Variants in DEPDC1B observed in about 807,000 individuals in gnomAD.
DEPDC1B encodes the protein DEP domain-containing protein 1B.
A neutral mutation model predicts 66.5 loss-of-function variants in DEPDC1B; 51 were observed. The observed-to-expected ratio is 0.77, with a 90% CI of 0.61 to 0.97. The LOEUF (loss-of-function observed/expected upper bound fraction) is 0.97, where lower values mean the gene tolerates loss of function less well. Among genes scored for constraint, DEPDC1B ranks in the 50% least tolerant of loss-of-function variants. The pLI is 0.00. For missense variants in DEPDC1B, 552 were observed against 637.1 expected (o/e 0.87, Z 1.44); for synonymous variants, 226 against 223.6 (o/e 1.01, Z -0.10).
chr5:60,658,485 G>T (rs1167183327), intron 2 of DEPDC1B, among the ~76,000 whole-genome samples: 2 of 152,160 alleles, frequency 1.3e-5, no homozygotes, highest in Non-Finnish European at 2.9e-5. Flanking sequence ...GTCCCATGGG[G>T]TGATCCCTTT....
intron 7 of DEPDC1B, among the ~76,000 whole-genome samples, chr5:60,638,461 CTGCCAATAAAGTTATAGTCT>C: frequency 6.6e-6 from 1 of 152,294 alleles, no homozygotes; most frequent in South Asian, 2.1e-4. Context: ...ACATTCTCCT[CTGCCAATAAAGTTATAGTCT>C]TTTGAATAAA....
chr5:60,670,122 C>T (rs923790178), intron 2 of DEPDC1B, among the ~76,000 whole-genome samples: 4 of 152,156 alleles, frequency 2.6e-5, no homozygotes, highest in Admixed American at 1.3e-4. Flanking sequence ...CAGTGGCTCA[C>T]GCCTGTAATC....
At position 60,664,885 on chromosome 5, in the gene DEPDC1B, T is replaced by C. The variant is rs549671259; in HGVS notation, c.315-17352A>G. Among the ~76,000 whole-genome samples, 20 of 152,242 alleles carry C rather than the reference T, an allele frequency of 1.3e-4. No individual in the cohort carries two copies. In the South Asian group the frequency reaches 4.2e-3, roughly 32 times the overall value. On this transcript the variant is annotated intron_variant, in intron 2 of 10. Coordinates refer to ENST00000265036, the MANE Select transcript of DEPDC1B (RefSeq NM_018369.3). ...TATGGAGAGAAAGGGAATTCCTAAC[T>C]TCCAAGGGAACACCTATCAAACATC...
chr5:60,619,230 A>G (rs1164266368), intron 7 of DEPDC1B, among the ~76,000 whole-genome samples: 1 of 152,218 alleles, frequency 6.6e-6, no homozygotes, highest in African/African-American at 2.4e-5. Flanking sequence ...AACTGGCACA[A>G]GACAGGGATG....
intron 7 of DEPDC1B, among the ~76,000 whole-genome samples, chr5:60,638,476 T>C (rs977313173): frequency 6.6e-6 from 1 of 152,196 alleles, no homozygotes; most frequent in Non-Finnish European, 1.5e-5. Flanking sequence ...AATAAAGTTA[T>C]AGTCTTTTGA....
At chr5:60,675,725 C>T (rs1325796118) in intron 2 of DEPDC1B, among the ~76,000 whole-genome samples, 3 of 152,030 alleles carry the variant, frequency 2.0e-5, no homozygotes, top group African/African-American at 7.3e-5. Context: ...CCTTTTCAGC[C>T]CCACGGCTAG....
chr5:60,647,366 C>A, intron 3 of DEPDC1B, 32 bp downstream of exon 3: 1 of 1,561,996 alleles, frequency 6.4e-7, no homozygotes, highest in Admixed American at 2.0e-5. Flanking sequence ...TCCCTGCTGC[C>A]AGCCCTTCCA....
rs191565311 is a variant in DEPDC1B at position 60,635,041 on chromosome 5, A to T, written c.898+3709T>A. Among the ~76,000 whole-genome samples the T allele has an allele frequency of 4.7e-5, 7 of 150,368 alleles. No individual in the cohort carries two copies. The East Asian group carries it at 1.4e-3, about 30-fold the overall frequency. ...GCCATTGCACTCCAGCCTGGGCAACAAGAGCGAAACTCCATCTCAAGAGAA... is the reference window on the plus strand; with the variant it reads ...GCCATTGCACTCCAGCCTGGGCAACTAGAGCGAAACTCCATCTCAAGAGAA... On this transcript the variant is annotated intron_variant, in intron 7 of 10. Transcript: ENST00000265036.
intron 7 of DEPDC1B, among the ~76,000 whole-genome samples, chr5:60,615,527 G>A (rs1002975557): frequency 7.2e-5 from 11 of 152,298 alleles, no homozygotes; most frequent in Non-Finnish European, 1.0e-4. Context: ...AGGGTCCTAC[G>A]CCCACGGAGC....
intron 7 of DEPDC1B, among the ~76,000 whole-genome samples, chr5:60,619,968 C>A (rs1752663836): frequency 1.3e-5 from 2 of 152,124 alleles, no homozygotes; most frequent in South Asian, 4.2e-4. Flanking sequence ...CAGAACAGAG[C>A]CCTCAGAAAT....
chr5:60,623,225 C>A lies in DEPDC1B; in HGVS notation c.898+15525G>T, dbSNP rs183108783. The stretch of plus-strand genomic sequence containing the variant: ...TAATAGATATCCAGTTGTTCCAACA[C>A]TACCCTGAAAAGATGATCCCTTCCC... On this transcript the variant is annotated intron_variant, in intron 7 of 10. Coordinates refer to ENST00000265036, the MANE Select transcript of DEPDC1B (RefSeq NM_018369.3). Among the ~76,000 whole-genome samples the A allele has an allele frequency of 6.6e-5, 10 of 152,276 alleles. No individual in the cohort carries two copies. In the East Asian group the frequency reaches 1.9e-3, roughly 29 times the overall value.
intron 1 of DEPDC1B, among the ~76,000 whole-genome samples, chr5:60,699,449 A>AAAAAAAAAAAAAAAAC: frequency 1.7e-5 from 1 of 59,118 alleles, no homozygotes; most frequent in African/African-American, 5.6e-5. Context: ...CCCAGAAAAA[A>AAAAAAAAAAAAAAAAC]AAAAAAAAAA....
chr5:60,599,139 A>T lies in DEPDC1B; in HGVS notation c.1364T>A (p.Leu455Ter), dbSNP rs1752152590. 1 of 1,613,378 alleles carries T rather than the reference A, an allele frequency of 6.2e-7. No homozygotes were observed. Among genetic ancestry groups the T allele is most frequent in the Non-Finnish European group, 8.5e-7 (1 of 1,179,660 alleles). Residue 455 changes from leucine to a stop codon, truncating the protein, a stop_gained, in exon 10 of 11, where the codon TTG becomes TAG. Transcript: ENST00000265036. LOFTEE classifies it high-confidence loss of function. ...SYGSQEPLAA[L>*]LEEVITDAKL... is the part of the protein sequence containing the mutation. ...GGCATCTGTTATGACTTCCTCCAAC[A>T]AGGCTGCCAGAGGTTCCTGAGAGCC... is the stretch of plus-strand genomic sequence containing the variant.
intron 2 of DEPDC1B, among the ~76,000 whole-genome samples, chr5:60,657,729 C>T (rs1176270777): frequency 6.6e-6 from 1 of 152,216 alleles, no homozygotes; most frequent in Non-Finnish European, 1.5e-5. Flanking sequence ...AAGATTCCTT[C>T]CTTCATCTCG....
chr5:60,629,025 T>C (rs997753695), intron 7 of DEPDC1B, among the ~76,000 whole-genome samples: 11 of 152,270 alleles, frequency 7.2e-5, no homozygotes, highest in Non-Finnish European at 1.3e-4. Flanking sequence ...GGGGGTGCCA[T>C]GGCAGCTCTG....
At chr5:60,643,981 AATC>A (rs1197955803) in intron 5 of DEPDC1B, among the ~76,000 whole-genome samples, 1 of 152,134 alleles carries the variant, frequency 6.6e-6, no homozygotes, top group African/African-American at 2.4e-5. Context: ...CCCTAAATTT[AATC>A]ATATTTTTAA....
chr5:60,697,361 T>A (rs1292803624), intron 1 of DEPDC1B, among the ~76,000 whole-genome samples: 1 of 152,172 alleles, frequency 6.6e-6, no homozygotes, highest in African/African-American at 2.4e-5. Flanking sequence ...AATAAAGGCC[T>A]AGTTTTTGTA....
intron 10 of DEPDC1B, among the ~76,000 whole-genome samples, chr5:60,598,285 C>A (rs1168423670): frequency 6.6e-6 from 1 of 152,142 alleles, no homozygotes; most frequent in African/African-American, 2.4e-5. Flanking sequence ...AGCTTCTGCT[C>A]AAATGGAAGA....
chr5:60,615,097 A>C (rs991562399), intron 7 of DEPDC1B, among the ~76,000 whole-genome samples: 2 of 152,218 alleles, frequency 1.3e-5, no homozygotes, highest in Non-Finnish European at 2.9e-5. Context: ...ATGACTTTTT[A>C]CTCAAATTAA....
Sources: allele counts gnomAD v4.1 joint callset (sites outside exome capture counted in the v4.1 genomes callset), GRCh38; gene constraint gnomAD v4.1.1; transcripts MANE v1.5; gene names NCBI Gene and HGNC (gene_info 2026-07-23, HGNC 2026-07-21).